The following DHODH variants were observed in gnomAD, a reference collection of about 807,000 sequenced individuals.
DHODH encodes the protein dihydroorotate dehydrogenase (quinone).
Under a neutral mutation model 39.7 loss-of-function variants are expected in DHODH, and 30 were observed. The ratio of observed to expected loss-of-function variants is 0.76; its 90% CI spans 0.57 to 1.02. The LOEUF (loss-of-function observed/expected upper bound fraction) is 1.02. Ranked by LOEUF, DHODH falls within the 50% of genes least tolerant of loss-of-function variation. The probability of loss-of-function intolerance (pLI) is 0.00; values close to 1 mark genes in which losing one functional copy is unlikely to be tolerated. For synonymous variants in DHODH, 222 were observed against 213.8 expected, an observed-to-expected ratio of 1.04 and a Z score of -0.34; for missense variants, 531 against 520.8, an observed-to-expected ratio of 1.02 and a Z score of -0.19.
At chr16:72,023,068 G>C in intron 6 of DHODH, 97 bp from the exon 7 acceptor site, 3 of 1,247,410 alleles carry the variant, frequency 2.4e-6, no homozygotes, top group Non-Finnish European at 3.5e-6. Context: ...CTGTAGGTGT[G>C]GGTACCTGGC....
In DHODH at chr16:72,025,266, TAA is replaced by T; in HGVS notation, c.*1069_*1070del. On this transcript the variant is annotated 3_prime_UTR_variant, in exon 9 of 9. Transcript: ENST00000219240. ...TGTCCTCCCAGACTTTTCCCCTGCA[TAA>T]AGATGTTCATTTTGTACATACACTC... 6.6e-6 allele frequency: 1 copy of T among 152,354 alleles called. No individual in the cohort carries two copies. Among genetic ancestry groups the T allele is most frequent in the South Asian group, 2.1e-4 (1 of 4,828 alleles). The allele number at this position is 152,354 out of a possible 1,614,324, so 9.4% of individuals were successfully genotyped here.
chr16:72,014,364 G>C, intron 2 of DHODH, 109 bp from the exon 3 acceptor site: 1 of 1,124,732 alleles, frequency 8.9e-7, no homozygotes, highest in South Asian at 1.3e-5. Context: ...TGGGATCTGA[G>C]GTTTCACAAG....
chr16:72,016,133 A>G (rs2041139282), intron 3 of DHODH: 1 of 152,448 alleles, frequency 6.6e-6, no homozygotes, highest in African/African-American at 2.4e-5. Flanking sequence ...ATGTTCTTAC[A>G]CGGACGCCCA....
chr16:72,016,884 T>A, intron 3 of DHODH, 140 bp from the exon 4 acceptor site: 1 of 751,412 alleles, frequency 1.3e-6, no homozygotes, highest in Non-Finnish European at 2.3e-6. Context: ...TCTCTAGGAG[T>A]CCCAGTGGTG....
intron 3 of DHODH, among the ~76,000 whole-genome samples, chr16:72,015,365 A>G (rs2041131254): frequency 6.6e-6 from 1 of 152,252 alleles, no homozygotes. Flanking sequence ...CAAACAGGGA[A>G]ATGTAATATT....
chr16:72,011,472 C>T (rs1488462651), intron 1 of DHODH, among the ~76,000 whole-genome samples: 2 of 152,174 alleles, frequency 1.3e-5, no homozygotes, highest in Non-Finnish European at 2.9e-5. Flanking sequence ...GGCTCTATCT[C>T]TTCAAAAAAT....
chr16:72,009,389 G>C (rs182289896), intron 1 of DHODH, among the ~76,000 whole-genome samples: 6,144 of 149,400 alleles, frequency 0.041, 381 homozygotes, highest in African/African-American at 0.14. Context: ...TGTAGTCCCA[G>C]CTACTCGGGA....
intron 1 of DHODH, among the ~76,000 whole-genome samples, chr16:72,010,467 G>C (rs1338240285): frequency 2.6e-5 from 4 of 152,038 alleles, no homozygotes; most frequent in African/African-American, 7.2e-5. Context: ...CATCACAGTT[G>C]CTATGACTAC....
chr16:72,017,424 TTGAA>T (rs550091813), intron 4 of DHODH, among the ~76,000 whole-genome samples: 1 of 152,330 alleles, frequency 6.6e-6, no homozygotes, highest in Admixed American at 6.5e-5. Context: ...GGAGCAGGAC[TTGAA>T]TGTCATCCTC....
chr16:72,023,220 T>A lies in DHODH; in HGVS notation c.875T>A (p.Leu292His). The A allele has an allele frequency of 1.9e-6, 3 of 1,614,182 alleles. No individual in the cohort carries two copies. Among genetic ancestry groups the A allele is most frequent in the Non-Finnish European group, 2.5e-6 (3 of 1,180,030 alleles). The change falls in exon 7 of 9, where the codon CTC becomes CAC. Residue 292 changes from leucine (L) to histidine (H), a missense_variant. Coordinates refer to ENST00000219240, the MANE Select transcript of DHODH (RefSeq NM_001361.5). ...ACCACCGTGAGTCGCCCTGCGGGCC[T>A]CCAGGGTGCCCTGCGCTCTGAAACA... ...TNTTVSRPAG[L>H]QGALRSETGG... is the part of the protein sequence containing the mutation.
At chr16:72,008,813 T>C in intron 1 of DHODH, 28 bp downstream of exon 1, 1 of 1,552,450 alleles carries the variant, frequency 6.4e-7, no homozygotes, top group Non-Finnish European at 8.7e-7. Context: ...GCAGTGTGGA[T>C]GGGGGACCAG....
At chr16:72,015,316 C>G (rs1336064646) in intron 3 of DHODH, among the ~76,000 whole-genome samples, 1 of 152,234 alleles carries the variant, frequency 6.6e-6, no homozygotes, top group Non-Finnish European at 1.5e-5. Context: ...CACATGCGGC[C>G]AGCAGGCTTG....
At chr16:72,008,976 G>C in intron 1 of DHODH, 191 bp downstream of exon 1, 1 of 1,482,178 alleles carries the variant, frequency 6.7e-7, no homozygotes. Context: ...TCGGTCAGGC[G>C]TGTGCAGACA....
At position 72,014,593 on chromosome 16, in the gene DHODH, A is replaced by C; in HGVS notation, c.355A>C (p.Ser119Arg). ...KMGFGFVEIG[S>R]VTPKPQEGNP... ...GGGCTTTGGTTTTGTTGAGATAGGA[A>C]GTGTGACTCCAAAACCTCAGGAAGG... The change falls in exon 3 of 9, where the codon AGT (serine) becomes CGT (arginine). Residue 119 changes from serine (S) to arginine (R), a missense_variant. Physicochemically the swap from Ser to Arg is moderately radical, Grantham distance 110. Transcript: ENST00000219240. The C allele has an allele frequency of 6.2e-7, 1 of 1,614,190 alleles. No individual in the cohort carries two copies. The highest frequency in any genetic ancestry group is 8.5e-7 in the Non-Finnish European group (1 of 1,180,040).
At chr16:72,022,108 AAAAAG>A (rs1170528430) in intron 5 of DHODH, among the ~76,000 whole-genome samples, 20 of 151,834 alleles carry the variant, frequency 1.3e-4, no homozygotes, top group Admixed American at 2.6e-4. Context: ...AAAAAAAAAA[AAAAAG>A]AAAAGAAAAG....
At chr16:72,023,109 G>A (rs932383765) in intron 6 of DHODH, 56 bp from the exon 7 acceptor site, 31 of 1,597,688 alleles carry the variant, frequency 1.9e-5, no homozygotes, top group Non-Finnish European at 2.4e-5. Flanking sequence ...CCAGAGAAGC[G>A]CCTCTGGGTC....
At position 72,025,946 on chromosome 16, in the gene DHODH, C is replaced by T. The variant is rs1457527977; in HGVS notation, c.*1747C>T. On this transcript the variant is annotated 3_prime_UTR_variant, in exon 9 of 9. Coordinates refer to ENST00000219240, the MANE Select transcript of DHODH (RefSeq NM_001361.5). ...GGAGGCTGCTTGGCTGGGCTCGAGCCCAGCGGTGTGGTCATAGAGCATGTT... is the reference window on the plus strand; with the variant it reads ...GGAGGCTGCTTGGCTGGGCTCGAGCTCAGCGGTGTGGTCATAGAGCATGTT... 3 of 152,246 alleles carry T rather than the reference C, an allele frequency of 2.0e-5. No individual in the cohort carries two copies. Among genetic ancestry groups the T allele is most frequent in the Non-Finnish European group, 4.4e-5 (3 of 68,084 alleles). 9.4% of individuals were successfully genotyped at this position (152,246 alleles called of 1,614,324 possible). A position where few individuals can be genotyped will look rare whatever the true frequency, so the allele number is the denominator to read the frequency against.
At chr16:72,022,082 C>T (rs1223645785) in intron 5 of DHODH, among the ~76,000 whole-genome samples, 4 of 138,858 alleles carry the variant, frequency 2.9e-5, no homozygotes, top group South Asian at 2.3e-4. Context: ...TGACAGAGTG[C>T]GACCTTGTCT....
At position 72,008,962 on chromosome 16, in the gene DHODH, G is replaced by A. The variant is rs750095043; in HGVS notation, c.21+177G>A. The A allele has an allele frequency of 6.6e-4, 986 of 1,501,944 alleles. 1 individual carries two copies. Among genetic ancestry groups the A allele is most frequent in the Middle Eastern group, 3.9e-3 (16 of 4,154 alleles). The allele number at this position is 1,501,944 out of a possible 1,614,324, so 93.0% of individuals were successfully genotyped here. ...TGCTCGTGCGTGTGCATTTGCACGT[G>A]GACTCGGTCAGGCGTGTGCAGACAG... On this transcript the variant is annotated intron_variant, in intron 1 of 8. Transcript: ENST00000219240.
Sources: allele counts gnomAD v4.1 joint callset (sites outside exome capture counted in the v4.1 genomes callset), GRCh38; gene constraint gnomAD v4.1.1; transcripts MANE v1.5; gene names NCBI Gene and HGNC (gene_info 2026-07-23, HGNC 2026-07-21).